The following MARCHF8 variants were observed in gnomAD, a reference collection of about 807,000 sequenced individuals.
MARCHF8 encodes membrane associated ring-CH-type finger 8, also known as E3 ubiquitin-protein ligase MARCHF8.
Under a neutral mutation model 51.6 loss-of-function variants are expected in MARCHF8, and 40 were observed. The ratio of observed to expected loss-of-function variants is 0.77; its 90% confidence interval spans 0.60 to 1.01. MARCHF8 has a LOEUF of 1.01. MARCHF8 is among the 50% of genes least tolerant of loss of function. The pLI, the probability that MARCHF8 is intolerant of heterozygous loss-of-function variation, is 0.00. For synonymous variants in MARCHF8, 263 were observed against 280.3 expected (o/e 0.94, Z 0.62); for missense variants, 685 against 708.6 (o/e 0.97, Z 0.38).
intron 2 of MARCHF8, among the ~76,000 whole-genome samples, chr10:45,498,461 C>T (rs888993740): frequency 7.9e-5 from 12 of 151,586 alleles, no homozygotes; most frequent in African/African-American, 2.4e-4. Context: ...AAGATTCCTC[C>T]GTGTTGTAGC....
At chr10:45,483,811 C>T (rs996978057) in intron 3 of MARCHF8, among the ~76,000 whole-genome samples, 1 of 147,792 alleles carries the variant, frequency 6.8e-6, no homozygotes, top group Non-Finnish European at 1.5e-5. Flanking sequence ...ACAAATATTA[C>T]ATGTTCTCAC....
Position 45,579,896 on chromosome 10 carries a change from C to T in MARCHF8, c.-79+14339G>A, listed in dbSNP as rs550356934. Among the ~76,000 whole-genome samples the T allele has an allele frequency of 2.6e-5, 4 of 151,150 alleles. No homozygotes were observed. In the East Asian group the frequency reaches 7.8e-4, roughly 30 times the overall value. On this transcript the variant is annotated intron_variant, in intron 1 of 6. Coordinates refer to the MARCHF8 transcript ENST00000319836. ...GGACGTGGTGGCGGGCATTGTAATC[C>T]CAGCTACTCGGGAGGCTGAGACAGG...
At chr10:45,518,375 G>C (rs993859444) in intron 2 of MARCHF8, among the ~76,000 whole-genome samples, 1 of 152,098 alleles carries the variant, frequency 6.6e-6, no homozygotes, top group South Asian at 2.1e-4. Flanking sequence ...GTGTATTCTC[G>C]CACTGCTGAC....
At chr10:45,512,170 G>A (rs1320411863) in intron 2 of MARCHF8, among the ~76,000 whole-genome samples, 85 of 150,950 alleles carry the variant, frequency 5.6e-4, no homozygotes, top group African/African-American at 1.8e-3. Flanking sequence ...CTGCCTGGCC[G>A]CCCCATCTGA....
chr10:45,571,546 G>T (rs1716552188), intron 1 of MARCHF8, among the ~76,000 whole-genome samples: 10 of 151,836 alleles, frequency 6.6e-5, no homozygotes. Flanking sequence ...CCTGTTTGGT[G>T]GTCTCTTCAC....
chr10:45,464,361 A>T, intron 3 of MARCHF8, 34 bp from the exon 4 acceptor site: 1 of 1,583,878 alleles, frequency 6.3e-7, no homozygotes, highest in Non-Finnish European at 8.7e-7. Context: ...GTGTTCAGGT[A>T]AGAGCCAAGG....
intron 1 of MARCHF8, among the ~76,000 whole-genome samples, chr10:45,546,681 G>A (rs1046958370): frequency 1.4e-4 from 21 of 151,358 alleles, no homozygotes; most frequent in South Asian, 1.3e-3. Context: ...CTACTTGGTC[G>A]ACAGATGGGA....
At chr10:45,559,925 C>T (rs747520111) in intron 1 of MARCHF8, among the ~76,000 whole-genome samples, 13 of 152,200 alleles carry the variant, frequency 8.5e-5, no homozygotes, top group Middle Eastern at 3.4e-3. Context: ...GTATACATCA[C>T]GGCACCCTTC....
At chr10:45,538,206 C>A (rs1175439283), upstream of MARCHF8, among the ~76,000 whole-genome samples, 3 of 151,380 alleles carry the variant, frequency 2.0e-5, no homozygotes, top group African/African-American at 7.3e-5. Context: ...AATTTCATAT[C>A]CAGCCAAACT....
chr10:45,538,491 T>C (rs1038851811), upstream of MARCHF8, among the ~76,000 whole-genome samples: 4 of 152,160 alleles, frequency 2.6e-5, no homozygotes, highest in African/African-American at 9.6e-5. Context: ...GTAAATGGAC[T>C]AAATGCTCCA....
At chr10:45,584,006 CAAAAAA>C (rs67624741) in intron 1 of MARCHF8, among the ~76,000 whole-genome samples, 5 of 53,058 alleles carry the variant, frequency 9.4e-5, no homozygotes, top group Non-Finnish European at 1.8e-4. Flanking sequence ...ACTTCATTTC[CAAAAAA>C]AAAAAAAAAA....
At chr10:45,543,656 G>A (rs938003553) in intron 1 of MARCHF8, among the ~76,000 whole-genome samples, 4 of 151,892 alleles carry the variant, frequency 2.6e-5, no homozygotes, top group Non-Finnish European at 5.9e-5. Flanking sequence ...AAATTAGCCG[G>A]GCACGGTGGC....
chr10:45,485,774 T>TGA (rs1160584768), intron 3 of MARCHF8, among the ~76,000 whole-genome samples: 14 of 152,308 alleles, frequency 9.2e-5, no homozygotes, highest in African/African-American at 3.4e-4. Flanking sequence ...GACTGGCTCA[T>TGA]GTGCTGACCC....
chr10:45,562,314 T>C (rs546156967), intron 1 of MARCHF8, among the ~76,000 whole-genome samples: 73 of 152,182 alleles, frequency 4.8e-4, no homozygotes, highest in Admixed American at 1.2e-3. Flanking sequence ...CACCTACCAA[T>C]ATAAACAAAA....
intron 3 of MARCHF8, among the ~76,000 whole-genome samples, chr10:45,484,239 T>C (rs1358840932): frequency 6.6e-6 from 1 of 152,166 alleles, no homozygotes; most frequent in Non-Finnish European, 1.5e-5. Context: ...CACAATGATA[T>C]AAAACTTTGA....
At chr10:45,491,122 G>A (rs2043073401) in intron 2 of MARCHF8, among the ~76,000 whole-genome samples, 2 of 152,046 alleles carry the variant, frequency 1.3e-5, no homozygotes, top group African/African-American at 4.8e-5. Flanking sequence ...TCAACTCCTG[G>A]CCTCAAGTAA....
chr10:45,494,228 T>G (rs2043133247), intron 2 of MARCHF8, among the ~76,000 whole-genome samples: 1 of 152,248 alleles, frequency 6.6e-6, no homozygotes, highest in Non-Finnish European at 1.5e-5. Flanking sequence ...AGTCCACATG[T>G]GGCTCCCAAC....
At chr10:45,590,755 G>C (rs1006374295) in intron 1 of MARCHF8, among the ~76,000 whole-genome samples, 1 of 152,320 alleles carries the variant, frequency 6.6e-6, no homozygotes, top group African/African-American at 2.4e-5. Flanking sequence ...CAGGCGCAGT[G>C]GCTTATACCT....
intron 4 of MARCHF8, 43 bp from the exon 5 acceptor site, chr10:45,464,039 A>C (rs1160532324): frequency 1.3e-6 from 2 of 1,506,768 alleles, no homozygotes; most frequent in East Asian, 2.5e-5. Context: ...AAGTAAAAAC[A>C]ATTTTAAAAG....
Sources: gnomAD v4.1 joint callset for allele counts (sites outside exome capture counted in the v4.1 genomes callset) on GRCh38, gnomAD v4.1.1 for gene constraint, MANE v1.5 for transcripts, NCBI Gene and HGNC (gene_info 2026-07-23, HGNC 2026-07-21) for gene names.